Variants in MARF1 observed in about 807,000 individuals in gnomAD.
The protein encoded by MARF1 is limkain-b1.
In MARF1, 24 loss-of-function variants were observed where a neutral mutation model predicts 168.2. That is an observed-to-expected ratio of 0.14 (90% confidence interval 0.10 to 0.20). The LOEUF is 0.20. Ranked by LOEUF, MARF1 falls within the 10% of genes least tolerant of loss-of-function variation. MARF1 has a pLI of 1.00. For synonymous variants in MARF1, 868 were observed against 822.4 expected (o/e 1.06, Z -0.95); for missense variants, 1,744 against 2,143.6 (o/e 0.81, Z 3.68).
Position 15,602,040 on chromosome 16 carries a change from T to C in MARF1, c.4577A>G (p.Lys1526Arg), listed in dbSNP as rs748863199. 5 of 1,614,186 alleles carry C rather than the reference T, an allele frequency of 3.1e-6. No individual in the cohort carries two copies. Among genetic ancestry groups the C allele is most frequent in the Non-Finnish European group, 3.4e-6 (4 of 1,180,004 alleles). Residue 1526 changes from lysine to arginine, a missense_variant, in exon 23 of 27, where the codon AAG becomes AGG. Lys to Arg is a conservative substitution (Grantham distance 26). This residue lies in a region of MARF1 where 313 missense variants were observed against 337.4 expected (regional missense o/e 0.93). Coordinates refer to ENST00000396368, the MANE Select transcript of MARF1 (RefSeq NM_014647.4). ...TKYVGETLQP[K>R]TYGHSSVEEL... ...CTCCACGCTGCTGTGGCCGTAGGTC[T>C]TGGGCTGCAGAGTTTCTCCGACATA...
chr16:15,600,395 C>A (rs1336914194), intron 25 of MARF1, 33 bp downstream of exon 25: 1 of 1,613,074 alleles, frequency 6.2e-7, no homozygotes, highest in Non-Finnish European at 8.5e-7. Flanking sequence ...TAGAATTTCA[C>A]AAGCTCCTAT....
At chr16:15,637,194 G>A (rs1485515649) in intron 2 of MARF1, among the ~76,000 whole-genome samples, 9 of 152,146 alleles carry the variant, frequency 5.9e-5, no homozygotes, top group Non-Finnish European at 1.3e-4. Context: ...AGAGTTGCTA[G>A]GAGGATAAAA....
chr16:15,599,146 TAAGG>T, intron 25 of MARF1, 122 bp from the exon 26 acceptor site: 1 of 642,628 alleles, frequency 1.6e-6, no homozygotes. Flanking sequence ...AAGAAGTATT[TAAGG>T]TATTAAAAAA....
chr16:15,601,670 CCCT>C, intron 23 of MARF1: 1 of 432,064 alleles, frequency 2.3e-6, no homozygotes. Context: ...CCTGACACGG[CCCT>C]CCTCAGCGCG....
Position 15,600,709 on chromosome 16 carries a change from C to T in MARF1, c.4627-8G>A. The T allele has an allele frequency of 6.2e-7, 1 of 1,613,586 alleles. No individual in the cohort carries two copies. Among genetic ancestry groups the T allele is most frequent in the Non-Finnish European group, 8.5e-7 (1 of 1,179,876 alleles). On this transcript the variant is annotated splice_polypyrimidine_tract_variant and splice_region_variant and intron_variant, in intron 23 of 26. Coordinates refer to ENST00000396368, the MANE Select transcript of MARF1 (RefSeq NM_014647.4). ...TCCTTTTATCCAGACCACCTGCACA[C>T]AAGACATACTACTGGTTAAGCAGCG... is the stretch of plus-strand genomic sequence containing the variant.
Position 15,611,605 on chromosome 16 carries a change from G to T in MARF1, c.3604C>A (p.Gln1202Lys), listed in dbSNP as rs899534612. ...SKQVIVREFS[Q>K]AYHWCFSKDW... ...TCATCAACTCACCAGTGATAAGCCT[G>T]TGAGAATTCTCTCACAATGACCTGT... Residue 1202 changes from glutamine (Q) to lysine (K), a missense_variant, in exon 18 of 27, where the codon CAG (glutamine) becomes AAG (lysine). Gln to Lys is a moderately conservative substitution (Grantham distance 53, BLOSUM62 1). Transcript: ENST00000396368. The T allele has an allele frequency of 1.2e-6, 2 of 1,613,806 alleles. No homozygotes were observed. Among genetic ancestry groups the T allele is most frequent in the Non-Finnish European group, 1.7e-6 (2 of 1,179,938 alleles).
At chr16:15,599,173 A>C (rs1057001077) in intron 25 of MARF1, 149 bp from the exon 26 acceptor site, 22 of 778,482 alleles carry the variant, frequency 2.8e-5, no homozygotes, top group African/African-American at 2.6e-4. Context: ...AAAAAAAAAA[A>C]AACAAAAACC....
chr16:15,634,690 T>C (rs1299828008), intron 4 of MARF1, 67 bp downstream of exon 4: 2 of 1,455,444 alleles, frequency 1.4e-6, no homozygotes, highest in East Asian at 4.6e-5. Context: ...GGTGATTAAA[T>C]GCAATGTTAG....
chr16:15,611,073 C>T lies in MARF1; in HGVS notation c.3653G>A (p.Gly1218Asp). The change falls in exon 19 of 27, where the codon GGT (glycine) becomes GAT (aspartate). Residue 1218 changes from glycine to aspartate, a missense_variant. By Grantham distance (94) the Gly-to-Asp change is moderately conservative. This residue lies in a region of MARF1 where 543 missense variants were observed against 742.1 expected (regional missense o/e 0.73). Coordinates refer to ENST00000396368, the MANE Select transcript of MARF1 (RefSeq NM_014647.4). ...TACGATGTCAATCAACTCACAAACA[C>T]CATATTCAGTGACATCCCAGTCCTT... ...FSKDWDVTEYGVCELIDIVSE... is the reference protein window; with the variant it reads ...FSKDWDVTEYDVCELIDIVSE... 6.2e-7 allele frequency: 1 copy of T among 1,613,800 alleles called. No homozygotes were observed. Among genetic ancestry groups the T allele is most frequent in the Non-Finnish European group, 8.5e-7 (1 of 1,179,738 alleles).
chr16:15,598,405 T>C (rs1237159948), intron 26 of MARF1, among the ~76,000 whole-genome samples: 2 of 152,164 alleles, frequency 1.3e-5, no homozygotes, highest in Admixed American at 6.5e-5. Flanking sequence ...CTGTCTGTTA[T>C]ATCACTGGGC....
chr16:15,635,343 T>C, intron 3 of MARF1: 2 of 432,884 alleles, frequency 4.6e-6, no homozygotes, highest in South Asian at 4.5e-5. Flanking sequence ...GTAAGCTGAA[T>C]GTAAGTTATA....
chr16:15,598,728 G>T, intron 26 of MARF1, 126 bp downstream of exon 26: 1 of 932,912 alleles, frequency 1.1e-6, no homozygotes, highest in Non-Finnish European at 1.6e-6. Flanking sequence ...CGAATAATCA[G>T]CACAGTGTTT....
In MARF1 at chr16:15,634,784, T is replaced by C. The variant is rs368941979; in HGVS notation, c.979A>G (p.Ser327Gly). The C allele has an allele frequency of 4.3e-6, 7 of 1,613,616 alleles. No homozygotes were observed. In the African/African-American group the frequency reaches 8.0e-5, roughly 18 times the overall value. Residue 327 changes from serine (S) to glycine (G), a missense_variant, in exon 4 of 27, where the codon AGT becomes GGT. Ser to Gly is a moderately conservative substitution (Grantham distance 56). Transcript: ENST00000396368. ...GKETTLLLAT[S>G]LGKAASKFGS... ...AATTTTGAAGCAGCTTTGCCTAGAC[T>C]GGTCGCCAATAACAACGTGGTCTCC...
intron 5 of MARF1, 29 bp downstream of exon 5, chr16:15,633,588 A>T: frequency 1.4e-6 from 2 of 1,416,688 alleles, no homozygotes; most frequent in Non-Finnish European, 1.9e-6. Context: ...TCTACTGTAG[A>T]TTAAAATTAT....
intron 11 of MARF1, among the ~76,000 whole-genome samples, chr16:15,622,135 CAG>C (rs1018779291): frequency 2.0e-5 from 3 of 152,126 alleles, no homozygotes; most frequent in Non-Finnish European, 4.4e-5. Context: ...CTGGCACACA[CAG>C]GTTTCCAAGG....
chr16:15,627,640 T>C (rs776571968), intron 7 of MARF1, among the ~76,000 whole-genome samples: 3 of 152,028 alleles, frequency 2.0e-5, no homozygotes, highest in Non-Finnish European at 4.4e-5. Flanking sequence ...AATAATATTT[T>C]AAAAAGCAGA....
chr16:15,599,103 G>GTT lies in MARF1; in HGVS notation c.4814-81_4814-80dup, dbSNP rs1222560639. On this transcript the variant is annotated intron_variant, in intron 25 of 26. Transcript: ENST00000396368. ...CACACACCCTGGGCTCACACCTGAA[G>GTT]TTTTCCTTCTAAGCCTTAAAGATAA... 4.0e-6 allele frequency: 4 copies of GTT among 1,006,484 alleles called. No individual in the cohort carries two copies. The South Asian group carries it at 5.1e-5, about 13-fold the overall frequency. 62.3% of individuals were successfully genotyped at this position (1,006,484 alleles called of 1,614,324 possible).
intron 7 of MARF1, among the ~76,000 whole-genome samples, chr16:15,627,536 T>A (rs2034954992): frequency 6.6e-6 from 1 of 152,178 alleles, no homozygotes; most frequent in Admixed American, 6.5e-5. Context: ...GAGAATCAAT[T>A]GAACCCGGCA....
intron 12 of MARF1, chr16:15,621,486 T>C (rs913329025): frequency 1.4e-5 from 7 of 489,382 alleles, no homozygotes; most frequent in South Asian, 3.4e-5. Flanking sequence ...TAGAACCTAT[T>C]TGAACATGTT....
Sources: gnomAD v4.1 joint callset for allele counts (sites outside exome capture counted in the v4.1 genomes callset) on GRCh38, gnomAD v4.1.1 for gene constraint, gnomAD v4.1.1 regional missense constraint, MANE v1.5 for transcripts, NCBI Gene and HGNC (gene_info 2026-07-23, HGNC 2026-07-21) for gene names.